The following DPP10 variants were observed in gnomAD, a reference collection of about 807,000 sequenced individuals.
DPP10 encodes the protein inactive dipeptidyl peptidase 10.
DPP10 carries 33 observed loss-of-function variants against 120.9 expected under a neutral mutation model. The observed-to-expected ratio is 0.27, with a 90% CI of 0.21 to 0.37. The LOEUF is 0.37. Ranked by LOEUF, DPP10 falls within the 10% of genes least tolerant of loss-of-function variation. The pLI is 1.00. For synonymous variants in DPP10, 337 were observed against 326.1 expected (o/e 1.03, Z -0.36); for missense variants, 816 against 942.8 (o/e 0.87, Z 1.76).
chr2:114,673,836 T>A (rs187137424), intron 1 of DPP10, among the ~76,000 whole-genome samples: 143 of 152,272 alleles, frequency 9.4e-4, no homozygotes, highest in African/African-American at 3.2e-3. Flanking sequence ...AGATTTTTTT[T>A]AAATCTGCAC....
intron 3 of DPP10, among the ~76,000 whole-genome samples, chr2:115,368,643 T>C (rs1030637380): frequency 6.6e-6 from 1 of 152,002 alleles, no homozygotes; most frequent in Non-Finnish European, 1.5e-5. Context: ...TATTACTAGA[T>C]TAAAGTGTGG....
intron 1 of DPP10, among the ~76,000 whole-genome samples, chr2:114,720,833 A>T (rs943341988): frequency 1.3e-5 from 2 of 152,196 alleles, no homozygotes; most frequent in Non-Finnish European, 2.9e-5. Context: ...TTTGAGCTGC[A>T]GCTATAACTG....
chr2:115,607,560 CAAG>C (rs2083780424), intron 5 of DPP10, among the ~76,000 whole-genome samples: 1 of 152,182 alleles, frequency 6.6e-6, no homozygotes, highest in African/African-American at 2.4e-5. Context: ...TAAAGTAAAA[CAAG>C]AAAATTGTTC....
chr2:115,237,138 T>C (rs2058045210), intron 1 of DPP10, among the ~76,000 whole-genome samples: 1 of 151,004 alleles, frequency 6.6e-6, no homozygotes, highest in East Asian at 2.0e-4. Flanking sequence ...CAATGCATTT[T>C]TTTTTTCCAA....
intron 1 of DPP10, among the ~76,000 whole-genome samples, chr2:115,284,491 C>A (rs1364197615): frequency 6.6e-6 from 1 of 151,908 alleles, no homozygotes; most frequent in Non-Finnish European, 1.5e-5. Flanking sequence ...ATTTTTCCTG[C>A]ACTTTTAATT....
chr2:115,550,082 A>G (rs2079783175), intron 5 of DPP10, among the ~76,000 whole-genome samples: 1 of 152,158 alleles, frequency 6.6e-6, no homozygotes, highest in Non-Finnish European at 1.5e-5. Context: ...AAAGGGGGAG[A>G]GACAGCTTCC....
chr2:115,112,433 A>C (rs1457960913), intron 1 of DPP10, among the ~76,000 whole-genome samples: 1 of 151,920 alleles, frequency 6.6e-6, no homozygotes, highest in African/African-American at 2.4e-5. Context: ...ATTTTAATTG[A>C]CAAAATTTGT....
intron 21 of DPP10, among the ~76,000 whole-genome samples, chr2:115,821,623 A>C (rs1687823583): frequency 6.6e-6 from 1 of 151,882 alleles, no homozygotes; most frequent in African/African-American, 2.4e-5. Flanking sequence ...TATATGTGCC[A>C]TTATCTGTCC....
chr2:115,806,377 C>T (rs1452559536), intron 19 of DPP10, among the ~76,000 whole-genome samples: 1 of 152,110 alleles, frequency 6.6e-6, no homozygotes. Flanking sequence ...CAAGATGGTT[C>T]TGCCACTGCC....
At chr2:115,118,457 A>C (rs975940620) in intron 1 of DPP10, among the ~76,000 whole-genome samples, 2 of 152,246 alleles carry the variant, frequency 1.3e-5, no homozygotes, top group Non-Finnish European at 2.9e-5. Flanking sequence ...CCTTGTTACC[A>C]GCAGCAAATG....
chr2:115,531,615 T>C (rs1441985306), intron 5 of DPP10, among the ~76,000 whole-genome samples: 4 of 152,106 alleles, frequency 2.6e-5, no homozygotes, highest in Admixed American at 2.6e-4. Context: ...GGGGTGTGCA[T>C]GGAAGTTGGA....
chr2:114,954,521 A>G (rs1030802686), intron 1 of DPP10, among the ~76,000 whole-genome samples: 1 of 152,122 alleles, frequency 6.6e-6, no homozygotes, highest in Non-Finnish European at 1.5e-5. Flanking sequence ...GATCCCAAAT[A>G]AACAACCTAA....
rs554095869 is a variant in DPP10, at chr2:115,123,951, C to T, written c.61-185288C>T. On this transcript the variant is annotated intron_variant, in intron 1 of 25. Coordinates refer to ENST00000410059, the MANE Select transcript of DPP10 (RefSeq NM_020868.6). ...ATATAAAATGCCTGTCTGATTATGCCTTTTTTTTTTTTTTAGACAAAGTCT... is the reference window on the plus strand; with the variant it reads ...ATATAAAATGCCTGTCTGATTATGCTTTTTTTTTTTTTTTAGACAAAGTCT... Among the ~76,000 whole-genome samples the T allele has an allele frequency of 1.0e-3, 148 of 142,148 alleles. 1 individual carries two copies. In the Middle Eastern group the frequency reaches 0.022, roughly 21 times the overall value. The allele number at this position is 142,148 out of a possible 152,430, so 93.3% of individuals were successfully genotyped here.
intron 1 of DPP10, among the ~76,000 whole-genome samples, chr2:114,647,078 C>T (rs952793700): frequency 1.3e-5 from 2 of 152,164 alleles, no homozygotes; most frequent in East Asian, 1.9e-4. Context: ...TTCAATTAGC[C>T]GTGGTCGTTG....
At chr2:114,898,305 A>G (rs545605397) in intron 1 of DPP10, among the ~76,000 whole-genome samples, 1 of 149,322 alleles carries the variant, frequency 6.7e-6, no homozygotes, top group Admixed American at 6.7e-5. Flanking sequence ...CAATGAGAAC[A>G]CATGGACACA....
At chr2:114,528,516 T>G (rs1205624144) in intron 1 of DPP10, among the ~76,000 whole-genome samples, 1 of 151,932 alleles carries the variant, frequency 6.6e-6, no homozygotes, top group African/African-American at 2.4e-5. Context: ...CACTATTCAT[T>G]CATGTTTGCT....
At chr2:115,801,658 G>C (rs1170087184) in intron 19 of DPP10, among the ~76,000 whole-genome samples, 1 of 152,196 alleles carries the variant, frequency 6.6e-6, no homozygotes, top group East Asian at 1.9e-4. Context: ...AGTGAATTTT[G>C]TCAAAGGCCT....
chr2:115,244,471 C>T (rs1052637418), intron 1 of DPP10, among the ~76,000 whole-genome samples: 2 of 151,728 alleles, frequency 1.3e-5, no homozygotes, highest in South Asian at 4.1e-4. Context: ...AAATAGCTTA[C>T]ATAATTAAAA....
chr2:115,113,359 C>T (rs1573659944), intron 1 of DPP10, among the ~76,000 whole-genome samples: 1 of 151,848 alleles, frequency 6.6e-6, no homozygotes, highest in South Asian at 2.1e-4. Context: ...CTTTTGCCCC[C>T]AAATGTGTCT....
Sources: gnomAD v4.1 joint callset for allele counts (sites outside exome capture counted in the v4.1 genomes callset) on GRCh38, gnomAD v4.1.1 for gene constraint, MANE v1.5 for transcripts, NCBI Gene and HGNC (gene_info 2026-07-23, HGNC 2026-07-21) for gene names.